The following BAZ2B variants were observed in gnomAD, a reference collection of about 807,000 sequenced individuals.
BAZ2B encodes bromodomain adjacent to zinc finger domain protein 2B.
BAZ2B carries 91 observed loss-of-function variants against 246.0 expected under a neutral mutation model. The ratio of observed to expected loss-of-function variants is 0.37; its 90% confidence interval spans 0.31 to 0.44. The LOEUF is 0.44. Ranked by LOEUF, BAZ2B falls within the 20% of genes least tolerant of loss-of-function variation. BAZ2B has a pLI of 1.00. For missense variants in BAZ2B, 2,332 were observed against 2,533.7 expected (o/e 0.92, Z 1.71); for synonymous variants, 855 against 860.0 (o/e 0.99, Z 0.10).
At chr2:159,370,299 C>T (rs377727404) in intron 27 of BAZ2B, among the ~76,000 whole-genome samples, 2 of 150,696 alleles carry the variant, frequency 1.3e-5, no homozygotes, top group African/African-American at 4.9e-5. Context: ...TGCACATGTA[C>T]CCTAGAACTT....
chr2:159,521,608 G>A (rs1362638277), intron 2 of BAZ2B, among the ~76,000 whole-genome samples: 2 of 151,698 alleles, frequency 1.3e-5, no homozygotes, highest in Admixed American at 6.6e-5. Flanking sequence ...TTTTTTTCTC[G>A]ACCTTTTCAG....
chr2:159,441,752 C>T (rs890944267), intron 6 of BAZ2B, among the ~76,000 whole-genome samples: 2 of 152,090 alleles, frequency 1.3e-5, no homozygotes, highest in African/African-American at 2.4e-5. Flanking sequence ...TGGGCTCAAG[C>T]GATTCTCCTG....
chr2:159,660,008 A>G, the BAZ2B span, among the ~76,000 whole-genome samples: 1 of 152,192 alleles, frequency 6.6e-6, no homozygotes, highest in Non-Finnish European at 1.5e-5. Context: ...AATTCAGTGG[A>G]ATTAAGCACA....
At chr2:159,612,883 A>G (rs1694994753) in intron 1 of BAZ2B, among the ~76,000 whole-genome samples, 1 of 152,222 alleles carries the variant, frequency 6.6e-6, no homozygotes, top group African/African-American at 2.4e-5. Context: ...ATAAACATGC[A>G]AACAAAGAAA....
the BAZ2B span, among the ~76,000 whole-genome samples, chr2:159,700,825 T>C: frequency 1.3e-5 from 2 of 150,614 alleles, no homozygotes; most frequent in African/African-American, 5.0e-5. Flanking sequence ...ATGTGGGACA[T>C]GCAGATGAAT....
intron 11 of BAZ2B, 22 bp from the exon 12 acceptor site, chr2:159,428,441 G>A (rs375117879): frequency 4.5e-5 from 69 of 1,540,948 alleles, no homozygotes; most frequent in African/African-American, 1.8e-4. Flanking sequence ...AGAAATGAAG[G>A]TTATGACATA....
intron 1 of BAZ2B, among the ~76,000 whole-genome samples, chr2:159,610,905 A>C (rs542410924): frequency 6.6e-6 from 1 of 152,162 alleles, no homozygotes; most frequent in Non-Finnish European, 1.5e-5. Flanking sequence ...CATACTTTTA[A>C]ATATTTTATA....
At chr2:159,499,466 T>G (rs1302942843) in intron 2 of BAZ2B, among the ~76,000 whole-genome samples, 1 of 152,212 alleles carries the variant, frequency 6.6e-6, no homozygotes, top group East Asian at 1.9e-4. Context: ...CAATTCTGAA[T>G]AGTGCTGCAA....
At chr2:159,683,708 A>G in the BAZ2B span, among the ~76,000 whole-genome samples, 1 of 152,168 alleles carries the variant, frequency 6.6e-6, no homozygotes, top group Non-Finnish European at 1.5e-5. Context: ...TGTTCCTTTC[A>G]GCTTCCAGGG....
chr2:159,363,380 C>T (rs778052915), intron 27 of BAZ2B, among the ~76,000 whole-genome samples: 2 of 152,162 alleles, frequency 1.3e-5, no homozygotes, highest in Non-Finnish European at 2.9e-5. Context: ...TAGAGAATCC[C>T]TGACAACATG....
chr2:159,454,645 G>A (rs943437101), intron 3 of BAZ2B, among the ~76,000 whole-genome samples: 1 of 152,194 alleles, frequency 6.6e-6, no homozygotes, highest in African/African-American at 2.4e-5. Context: ...ATTATGCAGT[G>A]TATGACTATA....
intron 20 of BAZ2B, among the ~76,000 whole-genome samples, chr2:159,393,309 T>G (rs1224877035): frequency 6.6e-6 from 1 of 152,182 alleles, no homozygotes; most frequent in African/African-American, 2.4e-5. Flanking sequence ...CTGTAGAGAA[T>G]GCATAGGGAG....
At chr2:159,499,150 A>G (rs2081450553) in intron 2 of BAZ2B, among the ~76,000 whole-genome samples, 1 of 151,956 alleles carries the variant, frequency 6.6e-6, no homozygotes, top group Admixed American at 6.6e-5. Flanking sequence ...TCCATTAGCT[A>G]TTCTTCCTGA....
the BAZ2B span, among the ~76,000 whole-genome samples, chr2:159,705,658 TA>T: frequency 4.6e-5 from 7 of 152,192 alleles, no homozygotes; most frequent in Non-Finnish European, 1.0e-4. Flanking sequence ...TCTTATTCCA[TA>T]TACAAAAATG....
intron 4 of BAZ2B, among the ~76,000 whole-genome samples, chr2:159,449,747 T>C (rs1349655914): frequency 6.6e-6 from 1 of 152,212 alleles, no homozygotes; most frequent in African/African-American, 2.4e-5. Context: ...TGATCATTTA[T>C]CCACCGTTTA....
rs774768507 is a variant in BAZ2B at position 159,430,950 on chromosome 2, A to G, written c.2107T>C (p.Ser703Pro). The G allele has an allele frequency of 6.2e-7, 1 of 1,614,052 alleles. No individual in the cohort carries two copies. Among genetic ancestry groups the G allele is most frequent in the South Asian group, 1.1e-5 (1 of 91,080 alleles). The change falls in exon 10 of 37, where the codon TCT becomes CCT. Residue 703 changes from serine (S) to proline (P), a missense_variant. Ser to Pro is a moderately conservative substitution (Grantham distance 74). This residue lies in a region of BAZ2B where 651 missense variants were observed against 650.9 expected (regional missense o/e 1.00). Transcript: ENST00000392783. The part of the protein sequence containing the change: ...RNLHIAKAPG[S>P]APAALCSESQ... ...TCAGAACATAAGGCAGCAGGAGCAGAGCCTGGGGCTTTTGCTATGTGGAGG... is the reference window on the plus strand; with the variant it reads ...TCAGAACATAAGGCAGCAGGAGCAGGGCCTGGGGCTTTTGCTATGTGGAGG...
At chr2:159,462,740 C>T (rs1010906306) in intron 3 of BAZ2B, 32 of 1,429,182 alleles carry the variant, frequency 2.2e-5, no homozygotes, top group Admixed American at 5.0e-5. Flanking sequence ...TGATCTCCAA[C>T]GACCATTCCA....
At chr2:159,359,690 G>T (rs561928891) in intron 27 of BAZ2B, among the ~76,000 whole-genome samples, 1 of 152,086 alleles carries the variant, frequency 6.6e-6, no homozygotes, top group African/African-American at 2.4e-5. Context: ...GATGAACATC[G>T]ATGCGAAAAT....
chr2:159,450,759 A>G (rs1483967302), intron 4 of BAZ2B, among the ~76,000 whole-genome samples: 1 of 139,526 alleles, frequency 7.2e-6, no homozygotes, highest in East Asian at 2.1e-4. Flanking sequence ...TTTTTTTTTG[A>G]GACAGAATTG....
Sources: gnomAD v4.1 joint callset for allele counts (sites outside exome capture counted in the v4.1 genomes callset) on GRCh38, gnomAD v4.1.1 for gene constraint, gnomAD v4.1.1 regional missense constraint, MANE v1.5 for transcripts, NCBI Gene and HGNC (gene_info 2026-07-23, HGNC 2026-07-21) for gene names.